Variants in ALDH7A1 observed in about 807,000 individuals in gnomAD.
The protein encoded by ALDH7A1 is aldehyde dehydrogenase 7 family member A1, also known as alpha-aminoadipic semialdehyde dehydrogenase.
A neutral mutation model predicts 79.9 loss-of-function variants in ALDH7A1; 63 were observed. The observed-to-expected ratio is 0.79, with a 90% CI of 0.64 to 0.97. The LOEUF is 0.97. ALDH7A1 is among the 50% of genes least tolerant of loss of function. The probability of loss-of-function intolerance (pLI) is 0.00; values close to 1 mark genes in which losing one functional copy is unlikely to be tolerated. For missense variants in ALDH7A1, 627 were observed against 665.2 expected (o/e 0.94, Z 0.63); for synonymous variants, 240 against 231.2 (o/e 1.04, Z -0.34).
chr5:126,559,913 C>T (rs754579148), intron 10 of ALDH7A1, among the ~76,000 whole-genome samples: 4 of 151,696 alleles, frequency 2.6e-5, no homozygotes, highest in South Asian at 2.1e-4. Flanking sequence ...ACTCCTCTGG[C>T]CTCTTCATCT....
At chr5:126,568,634 G>A in intron 8 of ALDH7A1, 2 of 435,592 alleles carry the variant, frequency 4.6e-6, no homozygotes, top group South Asian at 4.4e-5. Context: ...CTGAGTGAGT[G>A]ACTGGACAAT....
chr5:126,573,155 T>A (rs1322057675), intron 7 of ALDH7A1, among the ~76,000 whole-genome samples: 3 of 147,974 alleles, frequency 2.0e-5, no homozygotes, highest in African/African-American at 7.4e-5. Flanking sequence ...GCAAAACCAG[T>A]ATCAAAATGA....
At chr5:126,582,075 G>A in intron 5 of ALDH7A1, 1 of 398,576 alleles carries the variant, frequency 2.5e-6, no homozygotes, top group Admixed American at 4.4e-5. Flanking sequence ...TATAATCCCA[G>A]CTACTCGGGA....
At chr5:126,593,527 C>T in intron 1 of ALDH7A1, 123 bp from the exon 2 acceptor site, 1 of 1,353,600 alleles carries the variant, frequency 7.4e-7, no homozygotes, top group South Asian at 1.2e-5. Flanking sequence ...ACTCAAAAAG[C>T]TTAGGTTAAC....
chr5:126,564,155 G>C (rs1360401984), intron 9 of ALDH7A1, among the ~76,000 whole-genome samples: 1 of 151,920 alleles, frequency 6.6e-6, no homozygotes, highest in Non-Finnish European at 1.5e-5. Context: ...CTCAATTTTA[G>C]ACATATGTTT....
chr5:126,556,586 T>C (rs531932136), intron 11 of ALDH7A1, among the ~76,000 whole-genome samples: 2 of 152,264 alleles, frequency 1.3e-5, no homozygotes, highest in South Asian at 4.1e-4. Context: ...TGTATTTGTC[T>C]AAGCTTCACA....
chr5:126,559,517 C>T (rs947982432), intron 10 of ALDH7A1, among the ~76,000 whole-genome samples, 183 bp from the exon 11 acceptor site: 18 of 146,240 alleles, frequency 1.2e-4, no homozygotes, highest in African/African-American at 4.3e-4. Flanking sequence ...CTCACTGCAA[C>T]CTTTGCCTCC....
intron 8 of ALDH7A1, chr5:126,568,753 G>A: frequency 7.7e-6 from 2 of 259,962 alleles, no homozygotes; most frequent in Admixed American, 9.3e-5. Flanking sequence ...GCAACACGAT[G>A]AAACCCCATC....
chr5:126,582,887 A>G lies in ALDH7A1; in HGVS notation c.481T>C (p.Ser161Pro). ...VDICDYAVGLSRMIGGPILPS... is the reference protein window; with the variant it reads ...VDICDYAVGLPRMIGGPILPS... ...AAGATAGGTCCTCCAATCATCCTTG[A>G]TAAACCAACAGCATAGTCACAGATA... Residue 161 changes from serine (S) to proline (P), a missense_variant, in exon 5 of 18, where the codon TCA becomes CCA. Physicochemically the swap from Ser to Pro is moderately conservative, Grantham distance 74. Coordinates refer to ENST00000409134, the MANE Select transcript of ALDH7A1 (RefSeq NM_001182.5). 1 of 1,613,246 alleles carries G rather than the reference A, an allele frequency of 6.2e-7. No homozygotes were observed. Among genetic ancestry groups the G allele is most frequent in the Non-Finnish European group, 8.5e-7 (1 of 1,179,974 alleles).
intron 3 of ALDH7A1, among the ~76,000 whole-genome samples, chr5:126,584,856 G>T (rs1274947791): frequency 2.6e-5 from 4 of 151,944 alleles, no homozygotes; most frequent in Non-Finnish European, 4.4e-5. Flanking sequence ...AAGAAGACTT[G>T]AAGGGAAACA....
rs538504116 is a variant in ALDH7A1, at chr5:126,552,045, C to T, written c.1293G>A (p.Pro431=). 12 of 1,613,544 alleles carry T rather than the reference C, an allele frequency of 7.4e-6. No individual in the cohort carries two copies. Among genetic ancestry groups the T allele is most frequent in the African/African-American group, 5.3e-5 (4 of 75,008 alleles). ...ASIAHTETFA[P]ILYVFKFKNE... Reference sequence around the variant, plus strand: ...CCTTGAATTTAAAGACATAGAGAATCGGAGCAAAAGTCTCTGTGTGTGCAA... The same window carrying T: ...CCTTGAATTTAAAGACATAGAGAATTGGAGCAAAAGTCTCTGTGTGTGCAA... Residue 431 remains proline, a synonymous_variant, in exon 14 of 18, where the codon CCG becomes CCA. Coordinates refer to ENST00000409134, the MANE Select transcript of ALDH7A1 (RefSeq NM_001182.5).
intron 6 of ALDH7A1, among the ~76,000 whole-genome samples, chr5:126,576,125 T>C (rs1170197792): frequency 6.6e-6 from 1 of 151,794 alleles, no homozygotes; most frequent in African/African-American, 2.4e-5. Context: ...TAGCCGGGCG[T>C]GGTGGCAGAC....
Position 126,569,477 on chromosome 5 carries a change from G to C in ALDH7A1, c.774-1121C>G, listed in dbSNP as rs1315230164. 9 of 152,318 alleles carry C rather than the reference G, an allele frequency of 5.9e-5. No individual in the cohort carries two copies. In the South Asian group the frequency reaches 8.3e-4, roughly 14 times the overall value. 9.4% of individuals were successfully genotyped at this position (152,318 alleles called of 1,614,324 possible). ...TTCAGTGCTACAAAGGGTCCAGTGTGAACCAAGCAGGGCAGCCACAGCATC... is the reference window on the plus strand; with the variant it reads ...TTCAGTGCTACAAAGGGTCCAGTGTCAACCAAGCAGGGCAGCCACAGCATC... On this transcript the variant is annotated intron_variant, in intron 8 of 17. Transcript: ENST00000409134.
chr5:126,577,233 A>C, intron 5 of ALDH7A1, 22 bp from the exon 6 acceptor site: 5 of 1,613,902 alleles, frequency 3.1e-6, no homozygotes, highest in Non-Finnish European at 4.2e-6. Context: ...AAAAGGATGG[A>C]ACATGCAGAA....
chr5:126,594,221 G>C (rs1487927685), intron 1 of ALDH7A1: 1 of 470,954 alleles, frequency 2.1e-6, no homozygotes, highest in African/African-American at 2.0e-5. Flanking sequence ...GGAGTTCACA[G>C]CCCAACGTAC....
chr5:126,549,708 G>A (rs1749922614), intron 16 of ALDH7A1: 3 of 548,730 alleles, frequency 5.5e-6, no homozygotes, highest in African/African-American at 3.8e-5. Flanking sequence ...TTCAAGTTAA[G>A]GGCCTCTGCT....
At chr5:126,575,822 G>C (rs1750945472) in intron 6 of ALDH7A1, among the ~76,000 whole-genome samples, 1 of 152,174 alleles carries the variant, frequency 6.6e-6, no homozygotes, top group African/African-American at 2.4e-5. Flanking sequence ...AGAGAGCTGA[G>C]GAAAACTACA....
At chr5:126,556,361 G>C (rs769335885) in intron 11 of ALDH7A1, among the ~76,000 whole-genome samples, 1 of 147,600 alleles carries the variant, frequency 6.8e-6, no homozygotes, top group Non-Finnish European at 1.5e-5. Flanking sequence ...TTATACCTCA[G>C]CCTCCCGAGC....
rs959200021 is a variant in ALDH7A1 at position 126,575,610 on chromosome 5, G to C, written c.651-146C>G. On this transcript the variant is annotated intron_variant, in intron 6 of 17. Transcript: ENST00000409134. ...ACAAGTGAGTCTAGTAACTGAAACA[G>C]AAATCTGTCCTTCAGCTGGGTGTCT... 5 of 677,702 alleles carry C rather than the reference G, an allele frequency of 7.4e-6. No individual in the cohort carries two copies. In the African/African-American group the frequency reaches 9.1e-5, roughly 12 times the overall value. 42.0% of individuals were successfully genotyped at this position (677,702 alleles called of 1,614,324 possible).
Sources: allele counts gnomAD v4.1 joint callset (sites outside exome capture counted in the v4.1 genomes callset), GRCh38; gene constraint gnomAD v4.1.1; transcripts MANE v1.5; gene names NCBI Gene and HGNC (gene_info 2026-07-23, HGNC 2026-07-21).